SCYL3: variants seen among roughly 807,000 people sequenced by gnomAD.
SCYL3 encodes protein-associating with the carboxyl-terminal domain of ezrin.
Under a neutral mutation model 73.8 loss-of-function variants are expected in SCYL3, and 35 were observed. The ratio of observed to expected loss-of-function variants is 0.47; its 90% CI spans 0.36 to 0.63. The LOEUF (loss-of-function observed/expected upper bound fraction) is 0.63. Ranked by LOEUF, SCYL3 falls within the 20% of genes least tolerant of loss-of-function variation. The pLI is 0.00. For synonymous variants in SCYL3, 277 were observed against 295.2 expected, an observed-to-expected ratio of 0.94 and a Z score of 0.63; for missense variants, 712 against 798.9, an observed-to-expected ratio of 0.89 and a Z score of 1.31.
chr1:169,876,140 A>T (rs757597637), intron 3 of SCYL3, 49 bp from the exon 4 acceptor site: 12 of 1,096,894 alleles, frequency 1.1e-5, no homozygotes, highest in Non-Finnish European at 1.6e-5. Flanking sequence ...AGGATCTGAA[A>T]TAGAAATTTA....
chr1:169,853,387 A>ATTTTC lies in SCYL3; in HGVS notation c.*321_*325dup, dbSNP rs897630089. 144 of 343,496 alleles carry ATTTTC rather than the reference A, an allele frequency of 4.2e-4. 1 individual carries two copies. Among genetic ancestry groups the ATTTTC allele is most frequent in the African/African-American group, 2.9e-3 (137 of 47,154 alleles). The allele number at this position is 343,496 out of a possible 1,614,324, so 21.3% of individuals were successfully genotyped here. A position where few individuals can be genotyped will look rare whatever the true frequency, so the allele number is the denominator to read the frequency against. ...AATTAAGCTAACCAGCTTGAATTACATTTTCTTTACTTCCAGAATTGTCCT... is the reference window on the plus strand; with the variant it reads ...AATTAAGCTAACCAGCTTGAATTACATTTTCTTTTCTTTACTTCCAGAATTGTCCT... On this transcript the variant is annotated 3_prime_UTR_variant, in exon 13 of 13. Coordinates refer to ENST00000367771, the MANE Select transcript of SCYL3 (RefSeq NM_020423.7).
chr1:169,857,042 T>C (rs1194168213), intron 11 of SCYL3, among the ~76,000 whole-genome samples: 1 of 152,176 alleles, frequency 6.6e-6, no homozygotes, highest in Non-Finnish European at 1.5e-5. Flanking sequence ...GCAATGACAT[T>C]GTTGATAAAA....
At chr1:169,882,196 C>T (rs114797691) in intron 2 of SCYL3, among the ~76,000 whole-genome samples, 6,199 of 152,258 alleles carry the variant, frequency 0.041, 376 homozygotes, top group African/African-American at 0.13. Flanking sequence ...GGCAGGCCCC[C>T]CACTTGGAGC....
chr1:169,892,088 T>C (rs980271813), intron 1 of SCYL3, among the ~76,000 whole-genome samples: 1 of 152,238 alleles, frequency 6.6e-6, no homozygotes, highest in Admixed American at 6.5e-5. Context: ...ATCAGTGTAA[T>C]ACTGACAGTG....
chr1:169,860,496 A>G (rs562188169), intron 10 of SCYL3, among the ~76,000 whole-genome samples: 22 of 152,322 alleles, frequency 1.4e-4, no homozygotes, highest in African/African-American at 4.6e-4. Flanking sequence ...ATAATTCTCA[A>G]TGTGACTTGA....
At position 169,850,082 on chromosome 1, in the gene SCYL3, A is replaced by G; in HGVS notation, c.*3631T>C. On this transcript the variant is annotated 3_prime_UTR_variant, in exon 13 of 13. Transcript: ENST00000367771. ...TAATTAAAGCTTACAACACTTGTAC[A>G]GAAGTTAATTTTGTATTATCCTTAG... 1.7e-6 allele frequency: 1 copy of G among 583,542 alleles called. No homozygotes were observed. Among genetic ancestry groups the G allele is most frequent in the Non-Finnish European group, 3.0e-6 (1 of 328,402 alleles). The allele number at this position is 583,542 out of a possible 1,614,324, so 36.1% of individuals were successfully genotyped here.
intron 1 of SCYL3, among the ~76,000 whole-genome samples, chr1:169,890,448 C>G (rs1309821417): frequency 6.6e-6 from 1 of 152,172 alleles, no homozygotes; most frequent in African/African-American, 2.4e-5. Context: ...TGTTTAAAAT[C>G]TGTATTCTTT....
At chr1:169,868,454 G>C (rs887295995) in intron 7 of SCYL3, among the ~76,000 whole-genome samples, 2 of 152,168 alleles carry the variant, frequency 1.3e-5, no homozygotes, top group African/African-American at 2.4e-5. Context: ...TTGTGCCCTT[G>C]CCTCTAAACC....
chr1:169,891,512 T>G (rs1434568258), intron 1 of SCYL3, among the ~76,000 whole-genome samples: 1 of 152,242 alleles, frequency 6.6e-6, no homozygotes, highest in East Asian at 1.9e-4. Flanking sequence ...CCAGTCAGAC[T>G]GGAAGAGTGA....
chr1:169,885,371 G>A (rs1326892885), intron 2 of SCYL3, among the ~76,000 whole-genome samples: 3 of 152,026 alleles, frequency 2.0e-5, no homozygotes, highest in Non-Finnish European at 4.4e-5. Flanking sequence ...TTGTTGTTCT[G>A]CCTCTGATTC....
At chr1:169,881,672 TG>T (rs1320906441) in intron 2 of SCYL3, among the ~76,000 whole-genome samples, 15 of 152,200 alleles carry the variant, frequency 9.9e-5, no homozygotes, top group Non-Finnish European at 1.5e-5. Context: ...AGATTCCACA[TG>T]AGTGAGATCT....
Position 169,855,843 on chromosome 1 carries a change from C to T in SCYL3, c.1313-879G>A, listed in dbSNP as rs753414440. The T allele has an allele frequency of 8.1e-6, 13 of 1,613,794 alleles. No homozygotes were observed. In the South Asian group the frequency reaches 1.2e-4, roughly 15 times the overall value. Reference sequence around the variant, plus strand: ...GTAATCTCGCTGTATGTGCTTCTTGCTGTTGATGGGCGTGCTGCCAGAAAA... The same window carrying T: ...GTAATCTCGCTGTATGTGCTTCTTGTTGTTGATGGGCGTGCTGCCAGAAAA... On this transcript the variant is annotated intron_variant, in intron 11 of 12. Coordinates refer to ENST00000367771, the MANE Select transcript of SCYL3 (RefSeq NM_020423.7).
intron 1 of SCYL3, among the ~76,000 whole-genome samples, chr1:169,890,607 G>C (rs561366916): frequency 6.6e-6 from 1 of 152,172 alleles, no homozygotes; most frequent in Admixed American, 6.5e-5. Flanking sequence ...AGTGCCTACC[G>C]ATCCACAACC....
intron 1 of SCYL3, among the ~76,000 whole-genome samples, chr1:169,890,090 C>T (rs1219274241): frequency 6.6e-6 from 1 of 152,182 alleles, no homozygotes; most frequent in Non-Finnish European, 1.5e-5. Context: ...ACCTACTGTG[C>T]GTGCATGGGA....
At chr1:169,886,806 C>T (rs1472354740) in intron 2 of SCYL3, among the ~76,000 whole-genome samples, 2 of 152,100 alleles carry the variant, frequency 1.3e-5, no homozygotes, top group African/African-American at 4.8e-5. Flanking sequence ...ATTTTGTGGC[C>T]AGAGCTTATA....
rs1658246192 is a variant in SCYL3 at position 169,851,078 on chromosome 1, T to TCCCAAGCCAGGGTAAGCTCAG, written c.*2634_*2635insCTGAGCTTACCCTGGCTTGGG. The stretch of plus-strand genomic sequence containing the variant: ...TTTTTTTTTTTTTTTTTTTTTGGCA[T>TCCCAAGCCAGGGTAAGCTCAG]GGCTTTTTTATTCTCTTTGCAGCCA... On this transcript the variant is annotated 3_prime_UTR_variant, in exon 13 of 13. Coordinates refer to ENST00000367771, the MANE Select transcript of SCYL3 (RefSeq NM_020423.7). 8.2e-6 allele frequency: 1 copy of TCCCAAGCCAGGGTAAGCTCAG among 121,508 alleles called. No individual in the cohort carries two copies. The highest frequency in any genetic ancestry group is 1.7e-5 in the Non-Finnish European group (1 of 57,932). 7.5% of individuals were successfully genotyped at this position (121,508 alleles called of 1,614,324 possible).
At chr1:169,863,426 G>A (rs1359420990) in intron 9 of SCYL3, among the ~76,000 whole-genome samples, 2 of 152,094 alleles carry the variant, frequency 1.3e-5, no homozygotes, top group African/African-American at 4.8e-5. Flanking sequence ...CACTAGATTT[G>A]TGACATACTG....
chr1:169,893,078 A>C (rs2102225380), intron 1 of SCYL3, among the ~76,000 whole-genome samples: 1 of 152,304 alleles, frequency 6.6e-6, no homozygotes, highest in African/African-American at 2.4e-5. Context: ...GTCTTTATGG[A>C]CCAAAATAAT....
In SCYL3 at chr1:169,886,190, A is replaced by G. The variant is rs1004090748; in HGVS notation, c.165+2486T>C. Among the ~76,000 whole-genome samples, 7 of 152,270 alleles carry G rather than the reference A, an allele frequency of 4.6e-5. No homozygotes were observed. The East Asian group carries it at 7.7e-4, about 17-fold the overall frequency. ...GCTGGGTGTGTCGGCGCGTGCCTGT[A>G]ATCCCAGCTACGTGGGATGCTGAGG... On this transcript the variant is annotated intron_variant, in intron 2 of 12. Coordinates refer to ENST00000367771, the MANE Select transcript of SCYL3 (RefSeq NM_020423.7).
Sources: allele counts gnomAD v4.1 joint callset (sites outside exome capture counted in the v4.1 genomes callset), GRCh38; gene constraint gnomAD v4.1.1; transcripts MANE v1.5; gene names NCBI Gene and HGNC (gene_info 2026-07-23, HGNC 2026-07-21).